ADGRL3: variants seen among roughly 807,000 people sequenced by gnomAD.
ADGRL3 encodes calcium-independent alpha-latrotoxin receptor 3.
ADGRL3 carries 62 observed loss-of-function variants against 153.5 expected under a neutral mutation model. The ratio of observed to expected loss-of-function variants is 0.40; its 90% CI spans 0.33 to 0.50. The LOEUF (loss-of-function observed/expected upper bound fraction) is 0.50. Ranked by LOEUF, ADGRL3 falls within the 20% of genes least tolerant of loss-of-function variation. The pLI, the probability that ADGRL3 is intolerant of heterozygous loss-of-function variation, is 0.47. For synonymous variants in ADGRL3, 710 were observed against 672.5 expected (o/e 1.06, Z -0.86); for missense variants, 1,641 against 1,859.4 (o/e 0.88, Z 2.16).
At chr4:62,028,091 A>G (rs925309898) in intron 21 of ADGRL3, among the ~76,000 whole-genome samples, 1 of 151,822 alleles carries the variant, frequency 6.6e-6, no homozygotes, top group Non-Finnish European at 1.5e-5. Context: ...AGAGAAGAGA[A>G]AGGAACAGTT....
intron 6 of ADGRL3, among the ~76,000 whole-genome samples, chr4:61,704,821 A>G (rs141121373): frequency 2.6e-4 from 39 of 152,332 alleles, no homozygotes; most frequent in African/African-American, 8.9e-4. Context: ...AGTAGATTCC[A>G]ACTCAAAGAA....
rs1323698263 is a variant in ADGRL3, at chr4:61,350,963, A to C, written c.-239-32161A>C. On this transcript the variant is annotated intron_variant, in intron 1 of 26. Transcript: ENST00000683033. Reference sequence around the variant, plus strand: ...CCTCACTTGAAATCAAAAGCTAGAAATGATTAAGCTTAGTGAGGAAGGCAT... The same window carrying C: ...CCTCACTTGAAATCAAAAGCTAGAACTGATTAAGCTTAGTGAGGAAGGCAT... Among the ~76,000 whole-genome samples, 3 of 152,328 alleles carry C rather than the reference A, an allele frequency of 2.0e-5. No homozygotes were observed. In the East Asian group the frequency reaches 5.8e-4, roughly 29 times the overall value.
At chr4:61,730,911 GGTT>G (rs958485771) in intron 7 of ADGRL3, among the ~76,000 whole-genome samples, 1 of 151,642 alleles carries the variant, frequency 6.6e-6, no homozygotes, top group African/African-American at 2.4e-5. Flanking sequence ...GATGAATAGT[GGTT>G]GCTTTAATTT....
intron 1 of ADGRL3, among the ~76,000 whole-genome samples, chr4:61,217,116 G>A (rs969805326): frequency 2.0e-5 from 3 of 152,174 alleles, no homozygotes; most frequent in Admixed American, 6.5e-5. Context: ...AGCATAACAT[G>A]GCAGAAAGAG....
chr4:61,460,981 A>G (rs1258494286), intron 2 of ADGRL3, among the ~76,000 whole-genome samples: 1 of 152,074 alleles, frequency 6.6e-6, no homozygotes, highest in Admixed American at 6.6e-5. Flanking sequence ...GAGGCAGGAG[A>G]ATTGCTTGAG....
chr4:61,613,187 C>T (rs899763047), intron 5 of ADGRL3, among the ~76,000 whole-genome samples: 1 of 152,148 alleles, frequency 6.6e-6, no homozygotes, highest in African/African-American at 2.4e-5. Context: ...CATCAAATTC[C>T]ATTCACATGA....
At chr4:62,048,010 T>C (rs1331657756) in intron 25 of ADGRL3, among the ~76,000 whole-genome samples, 1 of 152,162 alleles carries the variant, frequency 6.6e-6, no homozygotes, top group Non-Finnish European at 1.5e-5. Flanking sequence ...CAGGATGGTT[T>C]ATTCATTGGT....
chr4:61,390,720 C>A (rs1386334338), intron 2 of ADGRL3, among the ~76,000 whole-genome samples: 1 of 152,072 alleles, frequency 6.6e-6, no homozygotes, highest in Non-Finnish European at 1.5e-5. Context: ...GTAGAAAATT[C>A]TATGAAATGG....
At chr4:61,401,828 A>G (rs2096933297) in intron 2 of ADGRL3, among the ~76,000 whole-genome samples, 1 of 152,076 alleles carries the variant, frequency 6.6e-6, no homozygotes, top group South Asian at 2.1e-4. Flanking sequence ...TCTCTTAGGC[A>G]TATTTGAATG....
At chr4:61,373,258 C>G (rs763035384) in intron 1 of ADGRL3, among the ~76,000 whole-genome samples, 3 of 152,134 alleles carry the variant, frequency 2.0e-5, no homozygotes, top group Non-Finnish European at 4.4e-5. Flanking sequence ...CTAACTCTGT[C>G]GCTTTTTCTA....
chr4:61,814,998 G>A (rs925075900), intron 9 of ADGRL3, among the ~76,000 whole-genome samples: 4 of 152,002 alleles, frequency 2.6e-5, no homozygotes, highest in African/African-American at 4.8e-5. Context: ...TCGGGTCTGC[G>A]CTTGGCACAT....
rs1353752647 is a variant in ADGRL3 at position 62,041,023 on chromosome 4, C to CA, written c.3717+3169dup. On this transcript the variant is annotated intron_variant, in intron 24 of 26. Coordinates refer to ENST00000683033, the MANE Select transcript of ADGRL3 (RefSeq NM_001387552.1). The stretch of plus-strand genomic sequence containing the variant: ...TTAGAGGGAGAATGAGATAGAAAGT[C>CA]AAGGAAAAAGGGAAGAGACAGATCC... Among the ~76,000 whole-genome samples, 8 of 151,596 alleles carry CA rather than the reference C, an allele frequency of 5.3e-5. No individual in the cohort carries two copies. The East Asian group carries it at 1.6e-3, about 29-fold the overall frequency.
chr4:62,048,930 T>A (rs1449744793), intron 25 of ADGRL3, among the ~76,000 whole-genome samples: 1 of 152,142 alleles, frequency 6.6e-6, no homozygotes, highest in East Asian at 1.9e-4. Context: ...ACATTTCCTC[T>A]GACAGTGGCA....
intron 1 of ADGRL3, among the ~76,000 whole-genome samples, chr4:61,299,151 C>T (rs1386845397): frequency 1.3e-5 from 2 of 152,014 alleles, no homozygotes; most frequent in African/African-American, 4.8e-5. Context: ...CCCGCCGTCC[C>T]CATCTTCCCC....
In ADGRL3 at chr4:61,983,378, C is replaced by G; in HGVS notation, c.3016-5C>G. ...TTTGACTAAATCATTTGTTCCTTTT[C>G]CTAGATTGCCTGTGCTGTTTTCGCT... On this transcript the variant is annotated splice_region_variant and splice_polypyrimidine_tract_variant and intron_variant, in intron 18 of 26. Coordinates refer to ENST00000683033, the MANE Select transcript of ADGRL3 (RefSeq NM_001387552.1). 6.2e-7 allele frequency: 1 copy of G among 1,611,558 alleles called. No individual in the cohort carries two copies. Among genetic ancestry groups the G allele is most frequent in the African/African-American group, 1.3e-5 (1 of 74,914 alleles).
chr4:61,968,559 A>G (rs999735283), intron 17 of ADGRL3, among the ~76,000 whole-genome samples: 1 of 152,162 alleles, frequency 6.6e-6, no homozygotes, highest in Non-Finnish European at 1.5e-5. Context: ...GCCAGCCACA[A>G]TGATAGGCAT....
Position 61,732,821 on chromosome 4 carries a change from A to C in ADGRL3, c.666A>C (p.Gln222His). 1 of 1,610,296 alleles carries C rather than the reference A, an allele frequency of 6.2e-7. No individual in the cohort carries two copies. Among genetic ancestry groups the C allele is most frequent in the Non-Finnish European group, 8.5e-7 (1 of 1,178,222 alleles). Residue 222 changes from glutamine to histidine, a missense_variant, in exon 8 of 27, where the codon CAA becomes CAC. Gln to His is a conservative substitution (Grantham distance 24). Coordinates refer to ENST00000683033, the MANE Select transcript of ADGRL3 (RefSeq NM_001387552.1). ...AACATTTGTTTGAGTCCGACCACCAATCTGGGGCGTGGTGCAAAGACCCTC... is the reference window on the plus strand; with the variant it reads ...AACATTTGTTTGAGTCCGACCACCACTCTGGGGCGTGGTGCAAAGACCCTC... ...QSEHLFESDH[Q>H]SGAWCKDPLQ... is the part of the protein sequence containing the mutation.
At chr4:61,938,677 T>A (rs62304440) in intron 15 of ADGRL3, among the ~76,000 whole-genome samples, 1 of 152,006 alleles carries the variant, frequency 6.6e-6, no homozygotes, top group African/African-American at 2.4e-5. Context: ...CTTCTTTGTG[T>A]CACTAGCTCC....
intron 1 of ADGRL3, among the ~76,000 whole-genome samples, chr4:61,339,343 A>G (rs1023922082): frequency 2.6e-5 from 4 of 152,206 alleles, no homozygotes; most frequent in Non-Finnish European, 5.9e-5. Flanking sequence ...TGGTGATTGT[A>G]TCAGCATGGT....
Sources: gnomAD v4.1 joint callset for allele counts (sites outside exome capture counted in the v4.1 genomes callset) on GRCh38, gnomAD v4.1.1 for gene constraint, MANE v1.5 for transcripts, NCBI Gene and HGNC (gene_info 2026-07-23, HGNC 2026-07-21) for gene names.